Variants in SLC24A4 observed in about 807,000 individuals in gnomAD.
The protein encoded by SLC24A4 is solute carrier family 24 member 4, also known as sodium/potassium/calcium exchanger 4.
SLC24A4 carries 53 observed loss-of-function variants against 79.0 expected under a neutral mutation model. The ratio of observed to expected loss-of-function variants is 0.67; its 90% CI spans 0.54 to 0.84. The LOEUF (loss-of-function observed/expected upper bound fraction) is 0.84, where lower values mean the gene tolerates loss of function less well. Ranked by LOEUF, SLC24A4 falls within the 40% of genes least tolerant of loss-of-function variation. The probability of loss-of-function intolerance (pLI) is 0.00; values close to 1 mark genes in which losing one functional copy is unlikely to be tolerated. For synonymous variants in SLC24A4, 323 were observed against 323.8 expected, an observed-to-expected ratio of 1.00 and a Z score of 0.03; for missense variants, 731 against 822.0, an observed-to-expected ratio of 0.89 and a Z score of 1.35.
chr14:92,364,074 C>G (rs967775545), intron 2 of SLC24A4, among the ~76,000 whole-genome samples: 1 of 152,282 alleles, frequency 6.6e-6, no homozygotes, highest in East Asian at 1.9e-4. Flanking sequence ...ATGGCAGCTC[C>G]CCACCAGAAG....
At chr14:92,362,228 G>C (rs1595165622) in intron 2 of SLC24A4, among the ~76,000 whole-genome samples, 1 of 30,198 alleles carries the variant, frequency 3.3e-5, no homozygotes, top group African/African-American at 5.9e-5. Flanking sequence ...CCCTGTCCCT[G>C]TCCAGCCTTT....
In SLC24A4 at chr14:92,335,720, T is replaced by C. The variant is rs184114360; in HGVS notation, c.241+9742T>C. ...TCCCCTATCTACCATTATGGTATCG[T>C]ACAGAATAGTTTCACCACCCCCAAA... On this transcript the variant is annotated intron_variant, in intron 2 of 16. Coordinates refer to ENST00000532405, the MANE Select transcript of SLC24A4 (RefSeq NM_153646.4). Among the ~76,000 whole-genome samples the C allele has an allele frequency of 6.2e-4, 94 of 152,312 alleles. 1 individual carries two copies. The highest frequency in any genetic ancestry group is 2.1e-3 in the African/African-American group (88 of 41,560).
intron 7 of SLC24A4, among the ~76,000 whole-genome samples, chr14:92,444,582 C>T (rs549846478): frequency 1.1e-4 from 17 of 152,294 alleles, no homozygotes; most frequent in African/African-American, 2.4e-4. Context: ...AGGCTGGGCG[C>T]GGTGGCTCAC....
intron 1 of SLC24A4, 137 bp from the exon 2 acceptor site, chr14:92,325,731 A>C: frequency 1.7e-6 from 1 of 599,340 alleles, no homozygotes; most frequent in Non-Finnish European, 3.0e-6. Flanking sequence ...ACTTCCAATC[A>C]TCCTATCAGT....
rs930885384 is a variant in SLC24A4, at chr14:92,468,920, GTGTGTGTGTGTGTGTC to G, written c.1255+12313_1255+12328del. ...TGTGTGTGTGTGTGTGTGTGTGTGT[GTGTGTGTGTGTGTGTC>G]ACTTAAAACTCAACAATAAAAGACA... On this transcript the variant is annotated intron_variant, in intron 12 of 16. Coordinates refer to ENST00000532405, the MANE Select transcript of SLC24A4 (RefSeq NM_153646.4). Among the ~76,000 whole-genome samples the G allele has an allele frequency of 5.2e-5, 6 of 115,764 alleles. No individual in the cohort carries two copies. In the East Asian group the frequency reaches 9.4e-4, roughly 18 times the overall value. The allele number at this position is 115,764 out of a possible 152,430, so 75.9% of individuals were successfully genotyped here. A position where few individuals can be genotyped will look rare whatever the true frequency, so the allele number is the denominator to read the frequency against.
intron 12 of SLC24A4, among the ~76,000 whole-genome samples, chr14:92,470,204 C>G (rs989745419): frequency 1.3e-5 from 2 of 152,296 alleles, no homozygotes; most frequent in South Asian, 4.1e-4. Flanking sequence ...TCTAGTCCTG[C>G]CAAATCATTG....
At chr14:92,395,430 A>G (rs1212712341) in intron 2 of SLC24A4, among the ~76,000 whole-genome samples, 1 of 86,848 alleles carries the variant, frequency 1.2e-5, no homozygotes, top group Non-Finnish European at 2.3e-5. Flanking sequence ...AAAACAAAAC[A>G]AAACACACAC....
intron 13 of SLC24A4, chr14:92,484,175 C>T: frequency 1.0e-6 from 1 of 985,346 alleles, no homozygotes. Context: ...ATCACGCCTT[C>T]CCCCATCTCT....
At chr14:92,407,821 C>T (rs896383450) in intron 2 of SLC24A4, among the ~76,000 whole-genome samples, 1 of 151,852 alleles carries the variant, frequency 6.6e-6, no homozygotes, top group East Asian at 1.9e-4. Flanking sequence ...CAAACCATAT[C>T]ACAGGGTGAT....
intron 2 of SLC24A4, among the ~76,000 whole-genome samples, chr14:92,401,422 G>A (rs897040298): frequency 6.6e-6 from 1 of 152,160 alleles, no homozygotes; most frequent in Non-Finnish European, 1.5e-5. Flanking sequence ...TTGGCATCCT[G>A]TGGGCTAGTA....
chr14:92,446,940 G>A (rs905063209), intron 8 of SLC24A4, among the ~76,000 whole-genome samples: 1 of 152,178 alleles, frequency 6.6e-6, no homozygotes, highest in Non-Finnish European at 1.5e-5. Flanking sequence ...CTACTTCCGG[G>A]ACTGGGGCCC....
chr14:92,481,555 C>G (rs1441346152), intron 12 of SLC24A4, among the ~76,000 whole-genome samples: 2 of 152,172 alleles, frequency 1.3e-5, no homozygotes, highest in African/African-American at 4.8e-5. Context: ...CCTTGTTCTG[C>G]CCCCTCTTGT....
At chr14:92,478,780 G>A (rs960667949) in intron 12 of SLC24A4, among the ~76,000 whole-genome samples, 4 of 152,094 alleles carry the variant, frequency 2.6e-5, no homozygotes, top group East Asian at 3.9e-4. Flanking sequence ...GAATGTATAC[G>A]TAAGTTTGGG....
chr14:92,488,372 G>A (rs564561810), intron 14 of SLC24A4, among the ~76,000 whole-genome samples: 6 of 152,172 alleles, frequency 3.9e-5, no homozygotes, highest in African/African-American at 1.4e-4. Flanking sequence ...GCACCCAGCA[G>A]ACTTCCTCCT....
At chr14:92,412,641 C>A (rs905189365) in intron 2 of SLC24A4, among the ~76,000 whole-genome samples, 4 of 152,126 alleles carry the variant, frequency 2.6e-5, no homozygotes, top group African/African-American at 9.7e-5. Context: ...ACAGGTTTCT[C>A]CCTCCACACC....
At chr14:92,418,140 A>T (rs763375033) in intron 2 of SLC24A4, among the ~76,000 whole-genome samples, 7 of 152,162 alleles carry the variant, frequency 4.6e-5, no homozygotes, top group Non-Finnish European at 1.0e-4. Flanking sequence ...CCTTGAGGCT[A>T]CTCAGGGAAT....
intron 12 of SLC24A4, among the ~76,000 whole-genome samples, chr14:92,463,496 G>C (rs1893932658): frequency 6.6e-6 from 1 of 152,134 alleles, no homozygotes; most frequent in South Asian, 2.1e-4. Context: ...CTTGGTCTCG[G>C]AAGCCACCAG....
At chr14:92,489,867 C>G (rs1018104808) in intron 14 of SLC24A4, among the ~76,000 whole-genome samples, 1 of 152,210 alleles carries the variant, frequency 6.6e-6, no homozygotes, top group Non-Finnish European at 1.5e-5. Flanking sequence ...GTGCCTGCCT[C>G]TTCACCAGGT....
At chr14:92,403,490 C>A (rs561323724) in intron 2 of SLC24A4, among the ~76,000 whole-genome samples, 5 of 152,130 alleles carry the variant, frequency 3.3e-5, no homozygotes, top group Admixed American at 3.3e-4. Context: ...CACCTGTAAT[C>A]CCAGCTACTC....
Sources: allele counts gnomAD v4.1 joint callset (sites outside exome capture counted in the v4.1 genomes callset), GRCh38; gene constraint gnomAD v4.1.1; transcripts MANE v1.5; gene names NCBI Gene and HGNC (gene_info 2026-07-23, HGNC 2026-07-21).